The following MPDZ variants were observed in gnomAD, a reference collection of about 807,000 sequenced individuals.
MPDZ encodes multiple PDZ domain crumbs cell polarity complex component, also known as multiple PDZ domain protein.
In MPDZ, 234 loss-of-function variants were observed where a neutral mutation model predicts 239.1. That is an observed-to-expected ratio of 0.98 (90% CI 0.88 to 1.09). The LOEUF (loss-of-function observed/expected upper bound fraction) is 1.09. MPDZ is among the 50% of genes least tolerant of loss of function. The probability of loss-of-function intolerance (pLI) is 0.00; values close to 1 mark genes in which losing one functional copy is unlikely to be tolerated. For synonymous variants in MPDZ, 1,048 were observed against 881.3 expected, an observed-to-expected ratio of 1.19 and a Z score of -3.35; for missense variants, 3,175 against 2,510.0, an observed-to-expected ratio of 1.26 and a Z score of -5.66.
At chr9:13,204,969 T>C (rs1462679354) in intron 12 of MPDZ, 67 bp downstream of exon 12, 1 of 1,103,212 alleles carries the variant, frequency 9.1e-7, no homozygotes, top group African/African-American at 1.7e-5. Context: ...CTTAATCACA[T>C]TTGTAAAAAT....
At chr9:13,119,812 T>C in intron 38 of MPDZ, 163 bp from the exon 39 acceptor site, 1 of 717,166 alleles carries the variant, frequency 1.4e-6, no homozygotes, top group Non-Finnish European at 2.3e-6. Context: ...TTATATTTTT[T>C]GATAAATAAC....
At chr9:13,266,305 T>C (rs1355698381) in intron 1 of MPDZ, among the ~76,000 whole-genome samples, 1 of 152,322 alleles carries the variant, frequency 6.6e-6, no homozygotes, top group East Asian at 1.9e-4. Context: ...TTTGGAATAA[T>C]ATTTAATGTG....
At chr9:13,116,385 T>C (rs1943448660) in intron 39 of MPDZ, among the ~76,000 whole-genome samples, 1 of 152,172 alleles carries the variant, frequency 6.6e-6, no homozygotes, top group Non-Finnish European at 1.5e-5. Context: ...CCATGAACAA[T>C]GCTTATGACA....
Position 13,222,322 on chromosome 9 carries a change from T to G in MPDZ, c.658A>C (p.Ile220Leu), listed in dbSNP as rs61753787. 4.5e-4 allele frequency: 721 copies of G among 1,613,022 alleles called. 4 individuals are homozygous for G. The African/African-American group carries it at 7.1e-3, about 16-fold the overall frequency. ...AGCTGAGGCAATGAGCCTCTGGCAA[T>G]AACTAGCTGGACAGTATCTTTGGCT... ...QKAKDTVQLV[I>L]ARGSLPQLVS... The change falls in exon 6 of 47, where the codon ATT becomes CTT. Residue 220 changes from isoleucine (I) to leucine (L), a missense_variant. Ile to Leu is a conservative substitution (Grantham distance 5). Coordinates refer to ENST00000319217, the MANE Select transcript of MPDZ (RefSeq NM_001378778.1).
chr9:13,246,564 T>C (rs753572674), intron 3 of MPDZ, among the ~76,000 whole-genome samples: 5 of 152,224 alleles, frequency 3.3e-5, no homozygotes, highest in African/African-American at 4.8e-5. Context: ...AAATAGACAT[T>C]TACTATAGAA....
At chr9:13,208,911 C>T (rs1041882904) in intron 10 of MPDZ, among the ~76,000 whole-genome samples, 1 of 151,978 alleles carries the variant, frequency 6.6e-6, no homozygotes, top group Non-Finnish European at 1.5e-5. Flanking sequence ...CTGCTGATTC[C>T]CTGTTAGAAA....
At chr9:13,204,604 A>C (rs1034491952) in intron 12 of MPDZ, among the ~76,000 whole-genome samples, 1 of 152,132 alleles carries the variant, frequency 6.6e-6, no homozygotes, top group African/African-American at 2.4e-5. Context: ...GCCTCCCAAA[A>C]TTGAATAGTC....
At chr9:13,116,636 T>C (rs1409608113) in intron 39 of MPDZ, among the ~76,000 whole-genome samples, 4 of 152,218 alleles carry the variant, frequency 2.6e-5, no homozygotes, top group Admixed American at 2.6e-4. Flanking sequence ...GGTTAACAAG[T>C]CCATACGTTA....
At chr9:13,213,799 T>C (rs947327181) in intron 10 of MPDZ, among the ~76,000 whole-genome samples, 8 of 152,172 alleles carry the variant, frequency 5.3e-5, no homozygotes, top group East Asian at 1.9e-4. Flanking sequence ...ATTCCACTTA[T>C]ATAAGAATGA....
intron 13 of MPDZ, among the ~76,000 whole-genome samples, chr9:13,194,831 C>T (rs1040396361): frequency 2.0e-5 from 3 of 152,108 alleles, no homozygotes; most frequent in Non-Finnish European, 4.4e-5. Context: ...GCACACCTGC[C>T]ACATTAACCC....
chr9:13,128,136 C>T (rs949235829), intron 32 of MPDZ, among the ~76,000 whole-genome samples: 2 of 152,110 alleles, frequency 1.3e-5, no homozygotes, highest in African/African-American at 4.8e-5. Flanking sequence ...ATGTTTCAGG[C>T]TGTAGATTAA....
At chr9:13,121,555 A>C (rs542985884) in intron 38 of MPDZ, among the ~76,000 whole-genome samples, 184 bp downstream of exon 38, 198 of 152,324 alleles carry the variant, frequency 1.3e-3, no homozygotes, top group African/African-American at 3.7e-3. Context: ...AAAACCTTCC[A>C]ATATTCTGAT....
rs1966847728 is a variant in MPDZ, at chr9:13,247,787, G to A, written c.31C>T (p.Leu11=). 1.2e-6 allele frequency: 2 copies of A among 1,605,682 alleles called. No homozygotes were observed. The highest frequency in any genetic ancestry group is 1.7e-5 in the Admixed American group (1 of 59,888). The change falls in exon 3 of 47, where the codon CTG becomes TTG. Residue 11 remains leucine, a synonymous_variant. Coordinates refer to ENST00000319217, the MANE Select transcript of MPDZ (RefSeq NM_001378778.1). ...GTTTGCAAGCGCTCTGCTGCATGCA[G>A]GGCCCGATTTTTGTCTATACCAAAG... MLEAIDKNRA[L]HAAERLQTKL...
In MPDZ at chr9:13,201,199, C is replaced by T. The variant is rs143458260; in HGVS notation, c.1546+3837G>A. Among the ~76,000 whole-genome samples the T allele has an allele frequency of 4.3e-3, 658 of 152,022 alleles. 8 individuals carry two copies. Among genetic ancestry groups the T allele is most frequent in the African/African-American group, 0.015 (622 of 41,492 alleles). ...CTTTTTATTTTTTTACTGTTCTTCACTTAGCCTATTTTATCTGACATAAGT... is the reference window on the plus strand; with the variant it reads ...CTTTTTATTTTTTTACTGTTCTTCATTTAGCCTATTTTATCTGACATAAGT... On this transcript the variant is annotated intron_variant, in intron 12 of 46. Coordinates refer to ENST00000319217, the MANE Select transcript of MPDZ (RefSeq NM_001378778.1).
intron 24 of MPDZ, among the ~76,000 whole-genome samples, chr9:13,155,000 T>C (rs1219041119): frequency 6.6e-6 from 1 of 152,062 alleles, no homozygotes; most frequent in African/African-American, 2.4e-5. Context: ...AGGTGGATCA[T>C]GAGGTCAAGA....
At chr9:13,124,202 C>A (rs1045378390) in intron 35 of MPDZ, among the ~76,000 whole-genome samples, 2 of 152,114 alleles carry the variant, frequency 1.3e-5, no homozygotes, top group East Asian at 3.9e-4. Flanking sequence ...GTTAAGTTTT[C>A]ATCTAGCATT....
chr9:13,279,659 G>C lies in MPDZ; in HGVS notation c.-317C>G, dbSNP rs1975246736. The C allele has an allele frequency of 3.3e-5, 5 of 150,494 alleles. No homozygotes were observed. The South Asian group carries it at 1.0e-3, about 31-fold the overall frequency. The allele number at this position is 150,494 out of a possible 1,614,324, so 9.3% of individuals were successfully genotyped here. A position where few individuals can be genotyped will look rare whatever the true frequency, so the allele number is the denominator to read the frequency against. On this transcript the variant is annotated 5_prime_UTR_variant, in exon 1 of 47. Transcript: ENST00000319217. ...GCGCGCGCCGCACTTGCGCCGACCGGGGCTGCCGCGGAGGCGGTGGCGGGG... is the reference window on the plus strand; with the variant it reads ...GCGCGCGCCGCACTTGCGCCGACCGCGGCTGCCGCGGAGGCGGTGGCGGGG...
At chr9:13,122,376 A>T (rs945471895) in intron 36 of MPDZ, among the ~76,000 whole-genome samples, 4 of 152,216 alleles carry the variant, frequency 2.6e-5, no homozygotes, top group Admixed American at 2.6e-4. Context: ...TTTTTTCCTA[A>T]TGATAGAGAA....
Position 13,219,660 on chromosome 9 carries a change from C to T in MPDZ, c.985G>A (p.Val329Ile), listed in dbSNP as rs375346024. 1 of 1,612,722 alleles carries T rather than the reference C, an allele frequency of 6.2e-7. No individual in the cohort carries two copies. Among genetic ancestry groups the T allele is most frequent in the South Asian group, 1.1e-5 (1 of 91,070 alleles). Residue 329 changes from valine to isoleucine, a missense_variant, in exon 8 of 47, where the codon GTT (valine) becomes ATT (isoleucine). Coordinates refer to ENST00000319217, the MANE Select transcript of MPDZ (RefSeq NM_001378778.1). ...GCACCTCTTGCAATCATCAACTTAA[C>T]TCTATTTCCACATTGCCTAAGGACT... is the stretch of plus-strand genomic sequence containing the variant. ...AQVLRQCGNR[V>I]KLMIARGAIE...
Sources: allele counts gnomAD v4.1 joint callset (sites outside exome capture counted in the v4.1 genomes callset), GRCh38; gene constraint gnomAD v4.1.1; transcripts MANE v1.5; gene names NCBI Gene and HGNC (gene_info 2026-07-23, HGNC 2026-07-21).